The following FDFT1 variants were observed in gnomAD, a reference collection of about 807,000 sequenced individuals.
FDFT1 encodes squalene synthase.
FDFT1 carries 68 observed loss-of-function variants against 46.8 expected under a neutral mutation model. The ratio of observed to expected loss-of-function variants is 1.45; its 90% CI spans 1.19 to 1.78. FDFT1 has a LOEUF of 1.78. Ranked by LOEUF, FDFT1 falls within the 40% of genes most tolerant of loss-of-function variation. FDFT1 has a pLI of 0.00. For synonymous variants in FDFT1, 351 were observed against 185.1 expected (o/e 1.90, Z -7.28); for missense variants, 928 against 524.4 (o/e 1.77, Z -7.52).
At chr8:11,806,957 T>C (rs887730500) in intron 1 of FDFT1, among the ~76,000 whole-genome samples, 1 of 152,182 alleles carries the variant, frequency 6.6e-6, no homozygotes, top group Non-Finnish European at 1.5e-5. Context: ...AAATGACTTT[T>C]TCAGGATTAT....
intron 3 of FDFT1, among the ~76,000 whole-genome samples, chr8:11,818,590 G>A (rs1808790652): frequency 6.6e-6 from 1 of 152,148 alleles, no homozygotes; most frequent in Admixed American, 6.5e-5. Flanking sequence ...TCTTCTTGTT[G>A]AATTGATCCC....
upstream of FDFT1, chr8:11,801,848 C>T (rs936477923): frequency 2.4e-6 from 1 of 417,810 alleles, no homozygotes; most frequent in East Asian, 7.0e-5. Flanking sequence ...CGCCCACCAC[C>T]ACACTCGGCT....
intron 1 of FDFT1, among the ~76,000 whole-genome samples, chr8:11,805,534 G>C (rs1321474576): frequency 7.2e-5 from 11 of 152,236 alleles, no homozygotes; most frequent in Admixed American, 3.9e-4. Context: ...TATTAAGTTA[G>C]GTGAACAACC....
At chr8:11,824,990 T>C (rs552587100) in intron 4 of FDFT1, among the ~76,000 whole-genome samples, 18 of 152,240 alleles carry the variant, frequency 1.2e-4, no homozygotes, top group Non-Finnish European at 2.2e-4. Context: ...CCGTCTCAGC[T>C]TCCCAAAGTG....
rs778081418 is a variant in FDFT1 at position 11,802,820 on chromosome 8, C to A, written c.-13C>A. The A allele has an allele frequency of 6.2e-7, 1 of 1,601,296 alleles. No individual in the cohort carries two copies. On this transcript the variant is annotated 5_prime_UTR_variant, in exon 1 of 8. Transcript: ENST00000220584. ...GTGAGAGTCGCGCCCGGGAGTCCGC[C>A]GCCTGCGCCAGGATGGAGTTCGTGA... is the stretch of plus-strand genomic sequence containing the variant.
chr8:11,821,770 T>C lies in FDFT1; in HGVS notation c.402T>C (p.Asn134=), dbSNP rs1444551950. The C allele has an allele frequency of 1.2e-6, 2 of 1,613,488 alleles. No individual in the cohort carries two copies. The highest frequency in any genetic ancestry group is 2.2e-5 in the East Asian group (1 of 44,858). The part of the protein sequence containing the change: ...DFPTISLEFR[N]LAEKYQTVIA... ...TTCAGATCTCCCTTGAGTTTAGAAA[T>C]CTGGCTGAGAAATACCAAACAGTGA... Residue 134 remains asparagine (N), a synonymous_variant, in exon 4 of 8, where the codon AAT becomes AAC. Transcript: ENST00000220584.
chr8:11,814,514 C>G (rs1472728590), intron 3 of FDFT1, among the ~76,000 whole-genome samples: 1 of 152,128 alleles, frequency 6.6e-6, no homozygotes, highest in Non-Finnish European at 1.5e-5. Context: ...AACCAAATCT[C>G]TTCACTGTTT....
At chr8:11,829,092 G>A (rs908287145) in intron 5 of FDFT1, among the ~76,000 whole-genome samples, 6 of 152,158 alleles carry the variant, frequency 3.9e-5, no homozygotes, top group African/African-American at 7.2e-5. Flanking sequence ...TTCCAAGGTC[G>A]CTCCACCATT....
chr8:11,830,489 T>C, intron 6 of FDFT1, 69 bp downstream of exon 6: 1 of 1,120,488 alleles, frequency 8.9e-7, no homozygotes, highest in Non-Finnish European at 1.3e-6. Flanking sequence ...GGGTGGATTT[T>C]GCTGTGCTAT....
intron 5 of FDFT1, among the ~76,000 whole-genome samples, chr8:11,827,213 T>C (rs563742912): frequency 1.4e-4 from 22 of 152,086 alleles, no homozygotes; most frequent in African/African-American, 4.1e-4. Context: ...TGGTGTCTCA[T>C]ACTTATAATC....
intron 5 of FDFT1, among the ~76,000 whole-genome samples, chr8:11,828,524 CT>C (rs1194131601): frequency 6.6e-6 from 1 of 152,246 alleles, no homozygotes. Flanking sequence ...AGGCCAGCCC[CT>C]GACCACTGTT....
At chr8:11,821,638 A>G (rs552294295) in intron 3 of FDFT1, 112 bp from the exon 4 acceptor site, 78 of 1,270,934 alleles carry the variant, frequency 6.1e-5, no homozygotes, top group Non-Finnish European at 7.6e-5. Context: ...AATTAGGCTT[A>G]TAGATGAACC....
chr8:11,825,539 CAAAAAAAAA>C (rs35076894), intron 4 of FDFT1, among the ~76,000 whole-genome samples: 17 of 94,780 alleles, frequency 1.8e-4, no homozygotes, highest in Non-Finnish European at 2.4e-4. Context: ...GACTTGATCT[CAAAAAAAAA>C]AAAAAAAAAA....
chr8:11,806,426 G>GGT (rs1001110454), intron 1 of FDFT1, among the ~76,000 whole-genome samples: 7 of 152,186 alleles, frequency 4.6e-5, no homozygotes, highest in African/African-American at 1.7e-4. Context: ...CTGTTTACAA[G>GGT]GTAAGGGACT....
Position 11,830,300 on chromosome 8 carries a change from C to T in FDFT1, c.759C>T (p.Asp253=), listed in dbSNP as rs369706172. ...LGDFAKPENI[D]LAVQCLNELI... is the part of the protein sequence containing the mutation. The stretch of plus-strand genomic sequence containing the variant: ...ATTTTGCTAAGCCGGAGAATATTGA[C>T]TTGGCCGTGCAGTGCCTGAATGAAC... The change falls in exon 6 of 8, where the codon GAC becomes GAT. Residue 253 remains aspartate, a synonymous_variant. Coordinates refer to ENST00000220584, the MANE Select transcript of FDFT1 (RefSeq NM_004462.5). 1.9e-6 allele frequency: 3 copies of T among 1,613,932 alleles called. No individual in the cohort carries two copies. Among genetic ancestry groups the T allele is most frequent in the Non-Finnish European group, 2.5e-6 (3 of 1,179,808 alleles).
upstream of FDFT1, chr8:11,802,390 C>A (rs766336265): frequency 2.2e-6 from 1 of 456,236 alleles, no homozygotes; most frequent in Admixed American, 2.4e-5. Context: ...CACCGTTGGG[C>A]TCCTGCGCAT....
intron 3 of FDFT1, among the ~76,000 whole-genome samples, chr8:11,816,281 T>C (rs1808434622): frequency 6.6e-6 from 1 of 152,166 alleles, no homozygotes; most frequent in African/African-American, 2.4e-5. Context: ...CCTTGTAGTA[T>C]AGTTTGAAGT....
chr8:11,820,415 C>A (rs554257964), intron 3 of FDFT1, among the ~76,000 whole-genome samples: 1 of 152,350 alleles, frequency 6.6e-6, no homozygotes, highest in South Asian at 2.1e-4. Context: ...TCTGCAGAAG[C>A]CGTCTGCTGC....
chr8:11,814,133 G>A (rs2130763519), intron 3 of FDFT1, among the ~76,000 whole-genome samples: 1 of 152,254 alleles, frequency 6.6e-6, no homozygotes, highest in East Asian at 1.9e-4. Context: ...AAGGATCTGT[G>A]GAATGAGCAG....
Sources: gnomAD v4.1 joint callset for allele counts (sites outside exome capture counted in the v4.1 genomes callset) on GRCh38, gnomAD v4.1.1 for gene constraint, MANE v1.5 for transcripts, NCBI Gene and HGNC (gene_info 2026-07-23, HGNC 2026-07-21) for gene names.